Variants in COL24A1 observed in about 807,000 individuals in gnomAD.
The protein encoded by COL24A1 is collagen type XXIV alpha 1 chain.
COL24A1 carries 224 observed loss-of-function variants against 253.9 expected under a neutral mutation model. The observed-to-expected ratio is 0.88, with a 90% confidence interval of 0.79 to 0.99. The LOEUF (loss-of-function observed/expected upper bound fraction) is 0.99. COL24A1 is among the 50% of genes least tolerant of loss of function. The pLI is 0.00. For synonymous variants in COL24A1, 685 were observed against 673.7 expected (o/e 1.02, Z -0.26); for missense variants, 2,131 against 2,068.5 (o/e 1.03, Z -0.59).
chr1:86,022,588 C>A lies in COL24A1; in HGVS notation c.2152G>T (p.Glu718Ter), dbSNP rs1460785198. 1 of 1,612,536 alleles carries A rather than the reference C, an allele frequency of 6.2e-7. No homozygotes were observed. The highest frequency in any genetic ancestry group is 2.2e-5 in the East Asian group (1 of 44,806). ...CCTAGCTCTCCTGCTGTGCCTTGTT[C>A]ACCCTGGAAAGCACAATTTCATGCA... ...GLPGIKGDKG[E>*]QGTAGELGEP... is the part of the protein sequence containing the mutation. The change falls in exon 17 of 60, where the codon GAA (glutamate) becomes TAA (stop). Residue 718 changes from glutamate (E) to a stop codon, truncating the protein, a stop_gained. Transcript: ENST00000370571. LOFTEE classifies it high-confidence loss of function.
intron 53 of COL24A1, among the ~76,000 whole-genome samples, chr1:85,767,624 T>C (rs1278615427): frequency 6.6e-6 from 1 of 152,158 alleles, no homozygotes; most frequent in Non-Finnish European, 1.5e-5. Context: ...AAACTCATAA[T>C]TGTAATGTGC....
At chr1:85,969,604 C>CA (rs61128567) in intron 22 of COL24A1, among the ~76,000 whole-genome samples, 6,237 of 27,590 alleles carry the variant, frequency 0.23, 2,010 homozygotes, top group East Asian at 0.28. Flanking sequence ...GACTCTGTCT[C>CA]AAAAAAAAAA....
chr1:85,922,897 A>G (rs1002055940), intron 24 of COL24A1, among the ~76,000 whole-genome samples: 1 of 152,240 alleles, frequency 6.6e-6, no homozygotes, highest in African/African-American at 2.4e-5. Flanking sequence ...GTCAAGACCC[A>G]TCAGTGTGCT....
intron 24 of COL24A1, among the ~76,000 whole-genome samples, chr1:85,940,978 G>A (rs1688707078): frequency 6.6e-6 from 1 of 152,122 alleles, no homozygotes; most frequent in Admixed American, 6.5e-5. Flanking sequence ...ATAAATCAAA[G>A]GTGATAATGT....
intron 2 of COL24A1, among the ~76,000 whole-genome samples, chr1:86,137,579 G>C (rs570831910): frequency 2.6e-5 from 4 of 152,162 alleles, no homozygotes; most frequent in Non-Finnish European, 5.9e-5. Flanking sequence ...AGAACTGACT[G>C]TATCTCCTTC....
At chr1:85,937,681 A>T (rs1307634852) in intron 24 of COL24A1, among the ~76,000 whole-genome samples, 1 of 147,402 alleles carries the variant, frequency 6.8e-6, no homozygotes, top group Non-Finnish European at 1.5e-5. Flanking sequence ...AGGCTAATAT[A>T]AATACTGCTT....
chr1:85,842,727 G>A (rs1676750056), intron 39 of COL24A1, among the ~76,000 whole-genome samples: 1 of 152,150 alleles, frequency 6.6e-6, no homozygotes, highest in Non-Finnish European at 1.5e-5. Flanking sequence ...TGTGCCAGAT[G>A]TGGGTCACTG....
rs545711463 is a variant in COL24A1, at chr1:85,777,044, G to C, written c.4339-1335C>G. Among the ~76,000 whole-genome samples the C allele has an allele frequency of 9.2e-5, 14 of 151,902 alleles. No individual in the cohort carries two copies. In the South Asian group the frequency reaches 2.7e-3, roughly 29 times the overall value. ...AGCTCACTACAACCTCCACCTCCTG[G>C]GTTCAAGCGATTCTCCTGCCCCAGC... is the stretch of plus-strand genomic sequence containing the variant. On this transcript the variant is annotated intron_variant, in intron 52 of 59. Transcript: ENST00000370571.
chr1:85,797,779 C>T (rs1205616229), intron 47 of COL24A1, among the ~76,000 whole-genome samples: 4 of 152,134 alleles, frequency 2.6e-5, no homozygotes, highest in Non-Finnish European at 4.4e-5. Context: ...ATACAGTAAG[C>T]GTTTAATAAC....
At chr1:85,899,470 G>C (rs1231412498) in intron 28 of COL24A1, among the ~76,000 whole-genome samples, 1 of 152,104 alleles carries the variant, frequency 6.6e-6, no homozygotes, top group East Asian at 1.9e-4. Flanking sequence ...GGTGGAGAGG[G>C]AGGAGTAGTG....
intron 7 of COL24A1, among the ~76,000 whole-genome samples, chr1:86,068,983 G>A (rs1701680511): frequency 1.3e-5 from 2 of 152,340 alleles, no homozygotes; most frequent in South Asian, 4.1e-4. Flanking sequence ...TACCCAGTGA[G>A]TGTGCTGTGG....
chr1:86,036,288 G>A (rs1367513218), intron 12 of COL24A1, among the ~76,000 whole-genome samples: 3 of 151,924 alleles, frequency 2.0e-5, no homozygotes, highest in South Asian at 2.1e-4. Context: ...GTACCAAGCC[G>A]TTGTGTATTG....
intron 24 of COL24A1, among the ~76,000 whole-genome samples, chr1:85,925,284 G>A (rs1472379788): frequency 6.6e-6 from 1 of 152,184 alleles, no homozygotes; most frequent in Non-Finnish European, 1.5e-5. Flanking sequence ...TCCCCATGAA[G>A]CTACCAATGA....
intron 31 of COL24A1, among the ~76,000 whole-genome samples, chr1:85,891,217 A>ATTTTTT (rs138122213): frequency 7.9e-6 from 1 of 127,108 alleles, no homozygotes. Context: ...CGCCCGGCTA[A>ATTTTTT]TTTTTTTTTT....
At position 85,756,207 on chromosome 1, in the gene COL24A1, G is replaced by A. The variant is rs1030505981; in HGVS notation, c.4437+5189C>T. Among the ~76,000 whole-genome samples, 9 of 152,176 alleles carry A rather than the reference G, an allele frequency of 5.9e-5. No homozygotes were observed. In the East Asian group the frequency reaches 1.5e-3, roughly 26 times the overall value. On this transcript the variant is annotated intron_variant, in intron 55 of 59. Coordinates refer to ENST00000370571, the MANE Select transcript of COL24A1 (RefSeq NM_152890.7). ...GGCCGAGGTAGGCAGATCACTTGAG[G>A]TCAGGAGTTCGAGACCAGCCTGGCC...
At chr1:85,747,389 C>T (rs1665352289) in intron 55 of COL24A1, among the ~76,000 whole-genome samples, 1 of 152,022 alleles carries the variant, frequency 6.6e-6, no homozygotes, top group Admixed American at 6.6e-5. Context: ...GCTGGGATTA[C>T]AGGTATGAGC....
chr1:86,063,072 A>G (rs1483127960), intron 8 of COL24A1, among the ~76,000 whole-genome samples: 1 of 152,132 alleles, frequency 6.6e-6, no homozygotes, highest in East Asian at 1.9e-4. Flanking sequence ...AGTACACACC[A>G]TAAGACATAT....
At position 85,841,343 on chromosome 1, in the gene COL24A1, C is replaced by G. The variant is rs544302443; in HGVS notation, c.3571-65G>C. ...TAAAATAAACATCAAAAACACACAA[C>G]CTACTATTTTTAAGTATATTAGAAA... On this transcript the variant is annotated intron_variant, in intron 41 of 59. Transcript: ENST00000370571. 3.8e-5 allele frequency: 43 copies of G among 1,123,738 alleles called. No individual in the cohort carries two copies. The Middle Eastern group carries it at 6.3e-4, about 16-fold the overall frequency. 69.6% of individuals were successfully genotyped at this position (1,123,738 alleles called of 1,614,324 possible). A position where few individuals can be genotyped will look rare whatever the true frequency, so the allele number is the denominator to read the frequency against.
At chr1:86,109,042 A>G (rs1253986724) in intron 5 of COL24A1, among the ~76,000 whole-genome samples, 2 of 152,204 alleles carry the variant, frequency 1.3e-5, no homozygotes, top group Non-Finnish European at 2.9e-5. Context: ...GGTCTTGTGG[A>G]GAGGAGGCAA....
Sources: gnomAD v4.1 joint callset for allele counts (sites outside exome capture counted in the v4.1 genomes callset) on GRCh38, gnomAD v4.1.1 for gene constraint, MANE v1.5 for transcripts, NCBI Gene and HGNC (gene_info 2026-07-23, HGNC 2026-07-21) for gene names.